The following DROSHA variants were observed in gnomAD, a reference collection of about 807,000 sequenced individuals.
The protein encoded by DROSHA is ribonuclease 3.
Under a neutral mutation model 181.9 loss-of-function variants are expected in DROSHA, and 56 were observed. The ratio of observed to expected loss-of-function variants is 0.31; its 90% CI spans 0.25 to 0.38. The LOEUF is 0.38. Among genes scored for constraint, DROSHA ranks in the 10% least tolerant of loss-of-function variants. The pLI, the probability that DROSHA is intolerant of heterozygous loss-of-function variation, is 1.00. For missense variants in DROSHA, 1,218 were observed against 1,743.5 expected, an observed-to-expected ratio of 0.70 and a Z score of 5.37; for synonymous variants, 524 against 591.2, an observed-to-expected ratio of 0.89 and a Z score of 1.65.
chr5:31,425,482 T>C (rs993520317), intron 27 of DROSHA, among the ~76,000 whole-genome samples: 1 of 152,186 alleles, frequency 6.6e-6, no homozygotes, highest in African/African-American at 2.4e-5. Context: ...TACAACTTTC[T>C]CTCAATGCTT....
chr5:31,466,187 T>G lies in DROSHA; in HGVS notation c.2461A>C (p.Arg821=). The G allele has an allele frequency of 6.2e-7, 1 of 1,613,630 alleles. No individual in the cohort carries two copies. The highest frequency in any genetic ancestry group is 1.7e-5 in the Admixed American group (1 of 60,006). Reference sequence around the variant, plus strand: ...GAATGGAGTTTGATACAGACCTCCCTCTGTGCCAGCTTCTGTTTGTCAGTT... The same window carrying G: ...GAATGGAGTTTGATACAGACCTCCCGCTGTGCCAGCTTCTGTTTGTCAGTT... ...KQTDKQKLAQ[R]EEALQKIRQK... Residue 821 remains arginine (R), a synonymous_variant, in exon 19 of 36, where the codon AGG becomes CGG. Transcript: ENST00000344624.
chr5:31,434,398 T>C (rs1293874852), intron 25 of DROSHA, among the ~76,000 whole-genome samples: 1 of 152,200 alleles, frequency 6.6e-6, no homozygotes, highest in African/African-American at 2.4e-5. Flanking sequence ...ACCAAACACT[T>C]AAGCAGTTTT....
intron 30 of DROSHA, among the ~76,000 whole-genome samples, chr5:31,417,177 G>A (rs1742045559): frequency 6.6e-6 from 1 of 152,132 alleles, no homozygotes; most frequent in Non-Finnish European, 1.5e-5. Context: ...GGAGGTGAGC[G>A]ATTTGGCCGT....
intron 25 of DROSHA, among the ~76,000 whole-genome samples, chr5:31,435,163 A>C (rs1351702621): frequency 6.6e-6 from 1 of 152,230 alleles, no homozygotes; most frequent in Non-Finnish European, 1.5e-5. Context: ...GATTTATTAT[A>C]ATAAGACATA....
intron 27 of DROSHA, 57 bp from the exon 28 acceptor site, chr5:31,424,528 G>T: frequency 9.2e-6 from 14 of 1,521,370 alleles, no homozygotes; most frequent in Non-Finnish European, 1.2e-5. Context: ...GCACTCTAGA[G>T]TACTAAATAA....
At position 31,424,519 on chromosome 5, in the gene DROSHA, C is replaced by T. The variant is rs1484771145; in HGVS notation, c.3217-48G>A. 9.0e-6 allele frequency: 14 copies of T among 1,553,636 alleles called. No homozygotes were observed. The South Asian group carries it at 1.4e-4, about 16-fold the overall frequency. ...TAATGCTCAAGGGAGCCATTTAACG[C>T]ACTCTAGAGTACTAAATAAAATGTC... On this transcript the variant is annotated intron_variant, in intron 27 of 35. Coordinates refer to ENST00000344624, the MANE Select transcript of DROSHA (RefSeq NM_001382508.1).
chr5:31,438,761 C>T lies in DROSHA; in HGVS notation c.2883-1463G>A, dbSNP rs577134906. The stretch of plus-strand genomic sequence containing the variant: ...GAATTTCAGGTGATGAATTATATGA[C>T]ACCACTTGAGAGGATGCAGCCAGAG... On this transcript the variant is annotated intron_variant, in intron 23 of 35. Transcript: ENST00000344624. Among the ~76,000 whole-genome samples the T allele has an allele frequency of 2.4e-4, 37 of 152,094 alleles. No individual in the cohort carries two copies. The South Asian group carries it at 7.5e-3, about 31-fold the overall frequency.
At chr5:31,525,329 CAAAAAA>C (rs34043904) in intron 5 of DROSHA, among the ~76,000 whole-genome samples, 2 of 46,054 alleles carry the variant, frequency 4.3e-5, no homozygotes, top group African/African-American at 9.2e-5. Context: ...GACTTCATCT[CAAAAAA>C]AAAAAAAAAA....
chr5:31,462,435 C>T (rs2150023291), intron 20 of DROSHA, among the ~76,000 whole-genome samples: 1 of 152,090 alleles, frequency 6.6e-6, no homozygotes, highest in Admixed American at 6.5e-5. Context: ...TTTTCTTCCA[C>T]CAGTTAGGCA....
intron 13 of DROSHA, among the ~76,000 whole-genome samples, chr5:31,490,478 C>A (rs1293578225): frequency 6.6e-6 from 1 of 152,188 alleles, no homozygotes; most frequent in African/African-American, 2.4e-5. Flanking sequence ...GGCAAATACA[C>A]ATATCTTTAA....
intron 11 of DROSHA, among the ~76,000 whole-genome samples, chr5:31,501,562 T>G (rs947182745): frequency 4.6e-5 from 7 of 151,928 alleles, no homozygotes; most frequent in African/African-American, 1.7e-4. Flanking sequence ...ATAGGGGAGA[T>G]GGTACCGGTC....
At chr5:31,417,753 C>A (rs1343338545) in intron 30 of DROSHA, among the ~76,000 whole-genome samples, 1 of 152,140 alleles carries the variant, frequency 6.6e-6, no homozygotes, top group Non-Finnish European at 1.5e-5. Context: ...GGAAGAGAAA[C>A]AACCAAATGG....
intron 23 of DROSHA, among the ~76,000 whole-genome samples, chr5:31,446,782 G>A (rs1286261824): frequency 6.6e-6 from 1 of 152,026 alleles, no homozygotes; most frequent in Non-Finnish European, 1.5e-5. Flanking sequence ...ACTCAGGCCT[G>A]TAATCCCAGC....
chr5:31,508,781 A>G lies in DROSHA; in HGVS notation c.1433-6T>C, dbSNP rs200420822. The G allele has an allele frequency of 1.2e-5, 20 of 1,602,966 alleles. No homozygotes were observed. Among genetic ancestry groups the G allele is most frequent in the Non-Finnish European group, 2.6e-6 (3 of 1,175,116 alleles). On this transcript the variant is annotated splice_polypyrimidine_tract_variant and splice_region_variant and intron_variant, in intron 9 of 35. Transcript: ENST00000344624. ...CTCGGATTCACTGGAACTCTCTAAC[A>G]GGGGTTGGGAGAAAAATACAGAAAT...
chr5:31,517,495 G>T (rs1024517671), intron 6 of DROSHA, among the ~76,000 whole-genome samples: 1 of 151,710 alleles, frequency 6.6e-6, no homozygotes, highest in African/African-American at 2.4e-5. Flanking sequence ...CCTCCAAATG[G>T]CTCACCAATT....
intron 17 of DROSHA, 73 bp from the exon 18 acceptor site, chr5:31,468,136 G>A: frequency 6.7e-7 from 1 of 1,485,966 alleles, no homozygotes; most frequent in Admixed American, 2.1e-5. Flanking sequence ...AAGTAGGGAA[G>A]GAATAAATCG....
chr5:31,452,742 C>CA (rs1431568456), intron 20 of DROSHA, among the ~76,000 whole-genome samples: 2 of 152,086 alleles, frequency 1.3e-5, no homozygotes, highest in Non-Finnish European at 2.9e-5. Context: ...CTCTAATCAA[C>CA]AAAAAAATCT....
chr5:31,417,858 A>C (rs1259624813), intron 30 of DROSHA, among the ~76,000 whole-genome samples: 1 of 152,188 alleles, frequency 6.6e-6, no homozygotes, highest in African/African-American at 2.4e-5. Flanking sequence ...TGACTACAGC[A>C]TGTAAAATGG....
intron 24 of DROSHA, among the ~76,000 whole-genome samples, chr5:31,436,415 CAG>C (rs1436289380): frequency 1.5e-5 from 2 of 134,254 alleles, no homozygotes; most frequent in Admixed American, 7.8e-5. Context: ...TTTTTTGAGA[CAG>C]AGTCTCACTC....
Sources: gnomAD v4.1 joint callset for allele counts (sites outside exome capture counted in the v4.1 genomes callset) on GRCh38, gnomAD v4.1.1 for gene constraint, MANE v1.5 for transcripts, NCBI Gene and HGNC (gene_info 2026-07-23, HGNC 2026-07-21) for gene names.